The following PHKB variants were observed in gnomAD, a reference collection of about 807,000 sequenced individuals.
PHKB encodes the protein phosphorylase kinase regulatory subunit beta.
PHKB carries 122 observed loss-of-function variants against 152.1 expected under a neutral mutation model. That is an observed-to-expected ratio of 0.80 (90% CI 0.69 to 0.93). The LOEUF is 0.93. PHKB is among the 40% of genes least tolerant of loss of function. The pLI, the probability that PHKB is intolerant of heterozygous loss-of-function variation, is 0.00. For missense variants in PHKB, 1,304 were observed against 1,328.4 expected (o/e 0.98, Z 0.29); for synonymous variants, 436 against 464.9 (o/e 0.94, Z 0.80).
intron 26 of PHKB, among the ~76,000 whole-genome samples, chr16:47,676,617 G>A (rs1211423074): frequency 1.3e-5 from 2 of 151,908 alleles, no homozygotes; most frequent in Non-Finnish European, 2.9e-5. Context: ...TTGCTTTTAA[G>A]CCAATAGCAC....
chr16:47,670,767 G>T (rs186728075), intron 26 of PHKB, among the ~76,000 whole-genome samples: 5 of 152,208 alleles, frequency 3.3e-5, no homozygotes, highest in Admixed American at 2.6e-4. Context: ...TGGGATTACA[G>T]GTGTGAGCCA....
chr16:47,642,610 T>G (rs924045020), intron 16 of PHKB, among the ~76,000 whole-genome samples: 1 of 152,190 alleles, frequency 6.6e-6, no homozygotes, highest in Non-Finnish European at 1.5e-5. Context: ...GTAGTCAAAG[T>G]CTTGTTGCTA....
chr16:47,566,524 G>C, intron 7 of PHKB: 1 of 1,602,712 alleles, frequency 6.2e-7, no homozygotes, highest in South Asian at 1.1e-5. Flanking sequence ...CGTGGTAAAA[G>C]CACTGCACTG....
Position 47,648,551 on chromosome 16 carries a change from A to G in PHKB, c.1627A>G (p.Ile543Val). Residue 543 changes from isoleucine to valine, a missense_variant, in exon 17 of 31, where the codon ATC becomes GTC. Transcript: ENST00000323584. ...ELVKAYLQLGINEKLGLSGRP... is the reference protein window; with the variant it reads ...ELVKAYLQLGVNEKLGLSGRP... Reference sequence around the variant, plus strand: ...CTTACAGGCTTATTTGCAGCTGGGTATCAATGAAAAGTTAGGACTCTCTGG... The same window carrying G: ...CTTACAGGCTTATTTGCAGCTGGGTGTCAATGAAAAGTTAGGACTCTCTGG... 6.2e-7 allele frequency: 1 copy of G among 1,612,522 alleles called. No individual in the cohort carries two copies. The highest frequency in any genetic ancestry group is 8.5e-7 in the Non-Finnish European group (1 of 1,178,598).
At position 47,669,241 on chromosome 16, in the gene PHKB, A is replaced by G. The variant is rs1973593596; in HGVS notation, c.2454A>G (p.Glu818=). The part of the protein sequence containing the change: ...KQVTLGAFGH[E]EEVISNPLSP... ...TAACTCTGGGTGCCTTTGGGCATGA[A>G]GAAGAAGTTATCTCTAATCCTTTGT... Residue 818 remains glutamate, a synonymous_variant, in exon 26 of 31, where the codon GAA becomes GAG. Transcript: ENST00000323584. 6.2e-7 allele frequency: 1 copy of G among 1,603,934 alleles called. No individual in the cohort carries two copies. The highest frequency in any genetic ancestry group is 1.7e-5 in the Admixed American group (1 of 59,808).
chr16:47,557,080 G>C (rs546066802), intron 7 of PHKB, among the ~76,000 whole-genome samples: 4 of 152,048 alleles, frequency 2.6e-5, no homozygotes, highest in African/African-American at 9.7e-5. Context: ...ATAATGCCGC[G>C]TATCTACAAC....
At chr16:47,651,065 C>G (rs1973229248) in intron 20 of PHKB, 144 bp downstream of exon 20, 2 of 706,290 alleles carry the variant, frequency 2.8e-6, no homozygotes, top group Non-Finnish European at 5.1e-6. Context: ...TGTCACTTTT[C>G]CAGTTTATCT....
At chr16:47,516,461 T>A (rs1970599102) in intron 6 of PHKB, among the ~76,000 whole-genome samples, 3 of 152,196 alleles carry the variant, frequency 2.0e-5, no homozygotes, top group Admixed American at 1.3e-4. Flanking sequence ...CACAAGCACA[T>A]GCGCTGATGT....
chr16:47,525,438 A>G (rs1269999515), intron 6 of PHKB, among the ~76,000 whole-genome samples: 1 of 152,208 alleles, frequency 6.6e-6, no homozygotes, highest in Non-Finnish European at 1.5e-5. Flanking sequence ...TTCAAAATGG[A>G]GAGAATTGGG....
intron 6 of PHKB, chr16:47,529,564 T>G (rs1219896331): frequency 6.6e-6 from 1 of 152,202 alleles, no homozygotes; most frequent in Non-Finnish European, 1.5e-5. Context: ...GCCAGGATGG[T>G]CTCGATCTCC....
At chr16:47,657,328 A>C (rs936832284) in intron 20 of PHKB, among the ~76,000 whole-genome samples, 2 of 152,204 alleles carry the variant, frequency 1.3e-5, no homozygotes, top group African/African-American at 4.8e-5. Flanking sequence ...GTAGTGTTGA[A>C]TATGATACAC....
At chr16:47,608,100 T>C (rs551833266) in intron 13 of PHKB, among the ~76,000 whole-genome samples, 1 of 152,278 alleles carries the variant, frequency 6.6e-6, no homozygotes, top group South Asian at 2.1e-4. Flanking sequence ...TTACAAGATA[T>C]CTGATTTGTG....
intron 26 of PHKB, among the ~76,000 whole-genome samples, chr16:47,674,226 G>A (rs1355279082): frequency 6.6e-6 from 1 of 151,478 alleles, no homozygotes; most frequent in Non-Finnish European, 1.5e-5. Context: ...ATTTTACAGT[G>A]TAAGGAACTT....
intron 7 of PHKB, among the ~76,000 whole-genome samples, chr16:47,558,884 T>C (rs886735596): frequency 6.6e-6 from 1 of 152,194 alleles, no homozygotes; most frequent in African/African-American, 2.4e-5. Flanking sequence ...TAGATGACAA[T>C]TTCCAAATTC....
At chr16:47,687,464 C>T (rs1412935860) in intron 26 of PHKB, among the ~76,000 whole-genome samples, 1 of 152,128 alleles carries the variant, frequency 6.6e-6, no homozygotes. Context: ...TAGGTGTAGT[C>T]CAGTTTTTCT....
chr16:47,679,043 C>T (rs1567353074), intron 26 of PHKB, among the ~76,000 whole-genome samples: 1 of 152,130 alleles, frequency 6.6e-6, no homozygotes, highest in African/African-American at 2.4e-5. Context: ...TTCCCCATTG[C>T]TTGTTTTTGT....
intron 1 of PHKB, among the ~76,000 whole-genome samples, chr16:47,461,930 C>A (rs1467470982): frequency 6.6e-6 from 1 of 152,210 alleles, no homozygotes; most frequent in Non-Finnish European, 1.5e-5. Context: ...GACCTGTCAT[C>A]TATCTAGCAG....
intron 1 of PHKB, among the ~76,000 whole-genome samples, chr16:47,478,860 G>A (rs919031017): frequency 5.3e-5 from 8 of 152,080 alleles, no homozygotes; most frequent in African/African-American, 1.9e-4. Flanking sequence ...ATGGTGTTCT[G>A]GGCACACTGG....
chr16:47,593,161 A>AAGGGAG (rs1333575395), intron 10 of PHKB, among the ~76,000 whole-genome samples: 1 of 130,598 alleles, frequency 7.7e-6, no homozygotes, highest in African/African-American at 2.7e-5. Context: ...AGAAAGAAGA[A>AAGGGAG]AGGGAGAGGG....
Sources: gnomAD v4.1 joint callset for allele counts (sites outside exome capture counted in the v4.1 genomes callset) on GRCh38, gnomAD v4.1.1 for gene constraint, MANE v1.5 for transcripts, NCBI Gene and HGNC (gene_info 2026-07-23, HGNC 2026-07-21) for gene names.